The following TRMT9B variants were observed in gnomAD, a reference collection of about 807,000 sequenced individuals.
The protein encoded by TRMT9B is probable tRNA methyltransferase 9B.
A neutral mutation model predicts 11.5 loss-of-function variants in TRMT9B; 16 were observed. The observed-to-expected ratio is 1.39, with a 90% CI of 0.94 to 2.11. The LOEUF is 2.11. Ranked by LOEUF, TRMT9B falls within the 30% of genes most tolerant of loss-of-function variation. The pLI, the probability that TRMT9B is intolerant of heterozygous loss-of-function variation, is 0.00. For synonymous variants in TRMT9B, 274 were observed against 192.4 expected (o/e 1.42, Z -3.51); for missense variants, 941 against 553.8 (o/e 1.70, Z -7.02).
intron 1 of TRMT9B, among the ~76,000 whole-genome samples, chr8:12,977,938 A>G (rs1343416295): frequency 6.6e-6 from 1 of 152,070 alleles, no homozygotes; most frequent in African/African-American, 2.4e-5. Context: ...CTGAGGTGGG[A>G]AGACTGCTTG....
intron 2 of TRMT9B, among the ~76,000 whole-genome samples, chr8:13,005,117 G>C (rs1458787750): frequency 6.7e-6 from 1 of 150,186 alleles, no homozygotes; most frequent in African/African-American, 2.5e-5. Context: ...GAAAAGAAAA[G>C]AAATCCTGTC....
Position 13,022,209 on chromosome 8 carries a change from C to A in TRMT9B, c.*165C>A. On this transcript the variant is annotated 3_prime_UTR_variant, in exon 5 of 5. Transcript: ENST00000524591. ...TGTTTTGTTTTCATTTTTGAATAAG[C>A]ACAGATTCTGGCATTGAAAGCACTT... 1.8e-6 allele frequency: 1 copy of A among 558,144 alleles called. No individual in the cohort carries two copies. The highest frequency in any genetic ancestry group is 3.2e-6 in the Non-Finnish European group (1 of 316,526). The allele number at this position is 558,144 out of a possible 1,614,324, so 34.6% of individuals were successfully genotyped here. A position where few individuals can be genotyped will look rare whatever the true frequency, so the allele number is the denominator to read the frequency against.
At chr8:12,961,007 G>A (rs938757758) in intron 1 of TRMT9B, among the ~76,000 whole-genome samples, 2 of 152,134 alleles carry the variant, frequency 1.3e-5, no homozygotes, top group Non-Finnish European at 2.9e-5. Flanking sequence ...TGGGCGTGAT[G>A]GTGCGTGCCT....
rs138123665 is a variant in TRMT9B, at chr8:13,001,351, A to G, written c.-1-4851A>G. Among the ~76,000 whole-genome samples the G allele has an allele frequency of 7.9e-4, 121 of 152,308 alleles. 2 individuals are homozygous for G. Among genetic ancestry groups the G allele is most frequent in the African/African-American group, 2.7e-3 (112 of 41,570 alleles). ...GGGGATCCCTGGAAAGAGGAGGCAC[A>G]AGGCTCAGAAGCAGGTTCTCTTGGA... On this transcript the variant is annotated intron_variant, in intron 2 of 4. Transcript: ENST00000524591.
rs537113280 is a variant in TRMT9B, at chr8:13,004,451, T to C, written c.-1-1751T>C. 4.0e-5 allele frequency among the ~76,000 whole-genome samples: 6 copies of C among 151,804 alleles called. No homozygotes were observed. The South Asian group carries it at 1.2e-3, about 32-fold the overall frequency. On this transcript the variant is annotated intron_variant, in intron 2 of 4. Coordinates refer to ENST00000524591, the MANE Select transcript of TRMT9B (RefSeq NM_020844.3). ...AGGAGAGGGAAGAATAAAGAGGATT[T>C]TGTCTTGTATTTTGGATACCAGTTC...
Position 12,990,847 on chromosome 8 carries a change from T to C in TRMT9B, c.-186T>C, listed in dbSNP as rs1355807256. On this transcript the variant is annotated 5_prime_UTR_variant, in exon 2 of 5. Transcript: ENST00000524591. ...TCTTCCTGATAGGGCCTGTGCTTCC[T>C]TCAGAGACTCACACAAGAGGTTTAT... is the stretch of plus-strand genomic sequence containing the variant. 4 of 1,289,506 alleles carry C rather than the reference T, an allele frequency of 3.1e-6. No homozygotes were observed. In the Admixed American group the frequency reaches 9.2e-5, roughly 30 times the overall value. 79.9% of individuals were successfully genotyped at this position (1,289,506 alleles called of 1,614,324 possible).
At chr8:12,986,159 G>A (rs1806270329) in intron 1 of TRMT9B, among the ~76,000 whole-genome samples, 1 of 152,174 alleles carries the variant, frequency 6.6e-6, no homozygotes, top group Non-Finnish European at 1.5e-5. Flanking sequence ...ACTGTGCCCA[G>A]TCAATGATGA....
intron 2 of TRMT9B, among the ~76,000 whole-genome samples, chr8:12,998,153 C>G (rs1024397830): frequency 4.6e-5 from 7 of 152,214 alleles, no homozygotes; most frequent in Non-Finnish European, 1.0e-4. Context: ...CAATTGTCAT[C>G]TGTATGTACT....
intron 4 of TRMT9B, among the ~76,000 whole-genome samples, 178 bp downstream of exon 4, chr8:13,013,035 T>C (rs1193760435): frequency 6.6e-6 from 1 of 152,280 alleles, no homozygotes; most frequent in Non-Finnish European, 1.5e-5. Flanking sequence ...AATGTATTTA[T>C]GGCACATATG....
At chr8:13,008,137 T>C (rs1171704000) in intron 3 of TRMT9B, among the ~76,000 whole-genome samples, 1 of 152,248 alleles carries the variant, frequency 6.6e-6, no homozygotes, top group Non-Finnish European at 1.5e-5. Flanking sequence ...TATGTGTTTC[T>C]GTTTAAAGAC....
chr8:12,946,711 G>T (rs561356403), intron 1 of TRMT9B, among the ~76,000 whole-genome samples: 5 of 152,296 alleles, frequency 3.3e-5, no homozygotes, highest in African/African-American at 1.2e-4. Flanking sequence ...AGATTATATA[G>T]AGAGAAAAGC....
At chr8:12,956,390 A>G (rs946444719) in intron 1 of TRMT9B, among the ~76,000 whole-genome samples, 12 of 152,338 alleles carry the variant, frequency 7.9e-5, no homozygotes, top group African/African-American at 2.6e-4. Flanking sequence ...AAACAGATGG[A>G]TGTTATCGTT....
intron 3 of TRMT9B, chr8:13,006,682 T>C (rs1810538474): frequency 7.5e-7 from 1 of 1,334,710 alleles, no homozygotes; most frequent in East Asian, 2.7e-5. Flanking sequence ...ATTTTTATTC[T>C]TTTGAGATGG....
At chr8:13,010,504 T>G (rs1012996680) in intron 3 of TRMT9B, 2 of 984,024 alleles carry the variant, frequency 2.0e-6, no homozygotes, top group South Asian at 9.4e-5. Context: ...AAAAAATATT[T>G]AAAATTCTTT....
chr8:12,963,424 C>G (rs908399502), intron 1 of TRMT9B, among the ~76,000 whole-genome samples: 7 of 152,076 alleles, frequency 4.6e-5, no homozygotes, highest in African/African-American at 1.7e-4. Flanking sequence ...CAGAGTGAGA[C>G]TTTGTCACAA....
chr8:13,012,779 G>A lies in TRMT9B; in HGVS notation c.250G>A (p.Gly84Arg). Residue 84 changes from glycine (G) to arginine (R), a missense_variant, in exon 4 of 5, where the codon GGA (glycine) becomes AGA (arginine). Coordinates refer to ENST00000524591, the MANE Select transcript of TRMT9B (RefSeq NM_020844.3). ...ACTGGTAGAGATTGCCCGGAATAGA[G>A]GATGTGAAGCCATGGTATGTGACAA... is the stretch of plus-strand genomic sequence containing the variant. Reference protein sequence around the residue: ...GPLVEIARNRGCEAMVCDNLN... With the variant: ...GPLVEIARNRRCEAMVCDNLN... The A allele has an allele frequency of 6.2e-7, 1 of 1,613,960 alleles. No individual in the cohort carries two copies. The highest frequency in any genetic ancestry group is 8.5e-7 in the Non-Finnish European group (1 of 1,179,890).
At chr8:12,987,178 T>C (rs953300962) in intron 1 of TRMT9B, among the ~76,000 whole-genome samples, 8 of 152,194 alleles carry the variant, frequency 5.3e-5, no homozygotes, top group Non-Finnish European at 1.2e-4. Context: ...TGCCACTTAC[T>C]AGCTATGTAA....
chr8:12,962,292 G>A (rs1802229104), intron 1 of TRMT9B: 2 of 152,164 alleles, frequency 1.3e-5, no homozygotes, highest in Non-Finnish European at 2.9e-5. Flanking sequence ...TACATTATGT[G>A]TAGAAACCTA....
In TRMT9B at chr8:13,022,454, T is replaced by C. The variant is rs1362103632; in HGVS notation, c.*410T>C. The stretch of plus-strand genomic sequence containing the variant: ...AGGGGATAATTTCTGGTTCTCAGGT[T>C]ATAACTGAGAGCAGTGTGCAAGATA... On this transcript the variant is annotated 3_prime_UTR_variant, in exon 5 of 5. Coordinates refer to ENST00000524591, the MANE Select transcript of TRMT9B (RefSeq NM_020844.3). 5.7e-6 allele frequency: 1 copy of C among 174,070 alleles called. No homozygotes were observed. Among genetic ancestry groups the C allele is most frequent in the African/African-American group, 2.4e-5 (1 of 41,584 alleles). 10.8% of individuals were successfully genotyped at this position (174,070 alleles called of 1,614,324 possible). A position where few individuals can be genotyped will look rare whatever the true frequency, so the allele number is the denominator to read the frequency against.
Sources: gnomAD v4.1 joint callset for allele counts (sites outside exome capture counted in the v4.1 genomes callset) on GRCh38, gnomAD v4.1.1 for gene constraint, MANE v1.5 for transcripts, NCBI Gene and HGNC (gene_info 2026-07-23, HGNC 2026-07-21) for gene names.